Variants in SDK1 observed in about 807,000 individuals in gnomAD.
SDK1 encodes sidekick cell adhesion molecule 1.
Under a neutral mutation model 245.5 loss-of-function variants are expected in SDK1, and 157 were observed. The ratio of observed to expected loss-of-function variants is 0.64; its 90% CI spans 0.56 to 0.73. The LOEUF is 0.73. Ranked by LOEUF, SDK1 falls within the 30% of genes least tolerant of loss-of-function variation. The probability of loss-of-function intolerance (pLI) is 0.00; values close to 1 mark genes in which losing one functional copy is unlikely to be tolerated. For missense variants in SDK1, 3,583 were observed against 3,002.3 expected, an observed-to-expected ratio of 1.19 and a Z score of -4.52; for synonymous variants, 1,647 against 1,278.5, an observed-to-expected ratio of 1.29 and a Z score of -6.15.
intron 1 of SDK1, among the ~76,000 whole-genome samples, chr7:3,545,991 A>G (rs909899382): frequency 1.3e-5 from 2 of 152,226 alleles, no homozygotes; most frequent in African/African-American, 4.8e-5. Flanking sequence ...ACCTATTGAT[A>G]TTTCTGTCTT....
chr7:3,667,412 C>A (rs1302859729), intron 4 of SDK1, among the ~76,000 whole-genome samples: 3 of 152,136 alleles, frequency 2.0e-5, no homozygotes, highest in African/African-American at 7.2e-5. Flanking sequence ...CTCCTCCTAC[C>A]CTGAGGCTTT....
intron 14 of SDK1, among the ~76,000 whole-genome samples, chr7:4,007,514 C>T (rs1297000903): frequency 6.6e-6 from 1 of 152,088 alleles, no homozygotes; most frequent in East Asian, 1.9e-4. Context: ...GCACCCTGGG[C>T]CAAGCTTACA....
At chr7:4,035,105 A>C (rs1041497090) in intron 17 of SDK1, among the ~76,000 whole-genome samples, 2 of 152,084 alleles carry the variant, frequency 1.3e-5, no homozygotes, top group Admixed American at 6.6e-5. Context: ...TAGCCTCCCG[A>C]GTAGCTGGGA....
intron 31 of SDK1, among the ~76,000 whole-genome samples, chr7:4,160,215 G>C (rs530402159): frequency 2.0e-5 from 3 of 152,316 alleles, no homozygotes; most frequent in South Asian, 4.1e-4. Flanking sequence ...CTTTAACACA[G>C]TTGAGGTAAT....
At chr7:3,693,526 C>G (rs1562376020) in intron 4 of SDK1, among the ~76,000 whole-genome samples, 1 of 152,160 alleles carries the variant, frequency 6.6e-6, no homozygotes. Flanking sequence ...CTGATCCATG[C>G]TTTTCTTTGT....
intron 38 of SDK1, among the ~76,000 whole-genome samples, chr7:4,215,139 A>G (rs1784720836): frequency 6.6e-6 from 1 of 152,214 alleles, no homozygotes; most frequent in Admixed American, 6.5e-5. Context: ...GGCCTGTCCG[A>G]CAAGCCACAT....
At position 4,012,382 on chromosome 7, in the gene SDK1, CTG is replaced by C. The variant is rs1327559688; in HGVS notation, c.2420+150_2420+151del. 4.5e-5 allele frequency: 37 copies of C among 815,304 alleles called. No individual in the cohort carries two copies. The East Asian group carries it at 9.4e-4, about 21-fold the overall frequency. The allele number at this position is 815,304 out of a possible 1,614,324, so 50.5% of individuals were successfully genotyped here. On this transcript the variant is annotated intron_variant, in intron 16 of 44. Coordinates refer to ENST00000404826, the MANE Select transcript of SDK1 (RefSeq NM_152744.4). ...GTGAGATGTTAGGGAGTGGTGGAGA[CTG>C]TGGCAAACTGGAGTGCACAGGCCAA...
At chr7:3,865,506 ATTTTG>A (rs1176698100) in intron 5 of SDK1, among the ~76,000 whole-genome samples, 1 of 151,980 alleles carries the variant, frequency 6.6e-6, no homozygotes, top group Non-Finnish European at 1.5e-5. Context: ...GAGTTCTTTT[ATTTTG>A]TTTTATTTTA....
At chr7:3,537,430 A>C (rs1778919870) in intron 1 of SDK1, among the ~76,000 whole-genome samples, 1 of 152,128 alleles carries the variant, frequency 6.6e-6, no homozygotes, top group South Asian at 2.1e-4. Flanking sequence ...CCGCTTTCCA[A>C]GGCCCCCGAC....
At chr7:3,632,063 TA>T (rs1782309263) in intron 2 of SDK1, among the ~76,000 whole-genome samples, 1 of 152,192 alleles carries the variant, frequency 6.6e-6, no homozygotes, top group African/African-American at 2.4e-5. Context: ...CCTGGCATTA[TA>T]AAGAATTAAG....
intron 4 of SDK1, among the ~76,000 whole-genome samples, chr7:3,793,922 G>A (rs182628162): frequency 1.3e-5 from 2 of 152,264 alleles, no homozygotes; most frequent in Non-Finnish European, 2.9e-5. Flanking sequence ...GGTGCTCCCT[G>A]CCCTGTTCTG....
At chr7:4,140,688 T>C (rs1779526249) in intron 28 of SDK1, among the ~76,000 whole-genome samples, 1 of 152,110 alleles carries the variant, frequency 6.6e-6, no homozygotes. Context: ...CCTCCTTGCC[T>C]GCAAATGTGA....
At chr7:3,307,920 A>G (rs1051334960) in intron 1 of SDK1, among the ~76,000 whole-genome samples, 1 of 152,118 alleles carries the variant, frequency 6.6e-6, no homozygotes, top group Non-Finnish European at 1.5e-5. Flanking sequence ...TAGAGTCTGC[A>G]TGTGTCTCCT....
rs539173474 is a variant in SDK1 at position 4,174,226 on chromosome 7, C to T, written c.4805C>T (p.Pro1602Leu). The T allele has an allele frequency of 5.5e-5, 89 of 1,613,978 alleles. No individual in the cohort carries two copies. The highest frequency in any genetic ancestry group is 1.6e-4 in the Middle Eastern group (1 of 6,062). ...TSSVLIQWQPPRDESLNGLLQ... is the reference protein window; with the variant it reads ...TSSVLIQWQPLRDESLNGLLQ... Reference sequence around the variant, plus strand: ...GTCGGTGTGATGTCTTTGCAGCCTCCGAGGGACGAAAGCCTGAATGGCCTT... The same window carrying T: ...GTCGGTGTGATGTCTTTGCAGCCTCTGAGGGACGAAAGCCTGAATGGCCTT... Residue 1602 changes from proline (P) to leucine (L), a missense_variant, in exon 33 of 45, where the codon CCG becomes CTG. Coordinates refer to ENST00000404826, the MANE Select transcript of SDK1 (RefSeq NM_152744.4).
At chr7:3,697,539 C>G (rs1234509743) in intron 4 of SDK1, among the ~76,000 whole-genome samples, 1 of 152,100 alleles carries the variant, frequency 6.6e-6, no homozygotes, top group African/African-American at 2.4e-5. Context: ...CTCTAATACC[C>G]CTTTTTTTGA....
At chr7:3,323,988 C>T (rs1779881003) in intron 1 of SDK1, among the ~76,000 whole-genome samples, 3 of 152,114 alleles carry the variant, frequency 2.0e-5, no homozygotes, top group Admixed American at 6.5e-5. Flanking sequence ...GTCTCATATT[C>T]CTCTGTGTGT....
At chr7:3,413,080 A>G (rs1388950519) in intron 1 of SDK1, among the ~76,000 whole-genome samples, 1 of 152,154 alleles carries the variant, frequency 6.6e-6, no homozygotes, top group Admixed American at 6.5e-5. Context: ...GGCTAATTAG[A>G]AGGAGTATAC....
intron 2 of SDK1, among the ~76,000 whole-genome samples, chr7:3,634,527 C>T (rs578183199): frequency 2.2e-4 from 34 of 152,252 alleles, no homozygotes; most frequent in Middle Eastern, 3.4e-3. Context: ...CAAACATTCC[C>T]TGCTGTGTTG....
intron 1 of SDK1, among the ~76,000 whole-genome samples, chr7:3,561,102 G>A (rs149984151): frequency 6.6e-6 from 1 of 152,128 alleles, no homozygotes; most frequent in East Asian, 1.9e-4. Flanking sequence ...CTAGTGCAAT[G>A]CTAGATTGCA....
Sources: gnomAD v4.1 joint callset for allele counts (sites outside exome capture counted in the v4.1 genomes callset) on GRCh38, gnomAD v4.1.1 for gene constraint, MANE v1.5 for transcripts, NCBI Gene and HGNC (gene_info 2026-07-23, HGNC 2026-07-21) for gene names.